The following SASH1 variants were observed in gnomAD, a reference collection of about 807,000 sequenced individuals.
SASH1 encodes SAM and SH3 domain-containing protein 1.
In SASH1, 44 loss-of-function variants were observed where a neutral mutation model predicts 125.2. That is an observed-to-expected ratio of 0.35 (90% CI 0.28 to 0.45). SASH1 has a LOEUF of 0.45. Among genes scored for constraint, SASH1 ranks in the 20% least tolerant of loss-of-function variants. The pLI is 1.00. For missense variants in SASH1, 1,426 were observed against 1,614.5 expected (o/e 0.88, Z 2.00); for synonymous variants, 639 against 649.1 (o/e 0.98, Z 0.24).
chr6:148,440,062 C>T (rs1776478203), intron 2 of SASH1, 122 bp from the exon 3 acceptor site: 1 of 791,244 alleles, frequency 1.3e-6, no homozygotes, highest in Admixed American at 2.2e-5. Context: ...TCTCTGCCAT[C>T]TCCTCCCACT....
At chr6:148,357,521 A>G (rs769110387) in intron 1 of SASH1, among the ~76,000 whole-genome samples, 10 of 152,146 alleles carry the variant, frequency 6.6e-5, no homozygotes, top group Non-Finnish European at 1.5e-4. Flanking sequence ...GTTTCCACCC[A>G]GGCTCCCTGG....
intron 2 of SASH1, among the ~76,000 whole-genome samples, chr6:148,435,972 A>G (rs1375663522): frequency 6.6e-6 from 1 of 152,218 alleles, no homozygotes. Flanking sequence ...AAGCCACGAG[A>G]TAATCCTTCC....
rs1186673454 is a variant in SASH1, at chr6:148,487,092, TACACACACAC to T, written c.628-510_628-501del. On this transcript the variant is annotated intron_variant, in intron 7 of 19. Coordinates refer to ENST00000367467, the MANE Select transcript of SASH1 (RefSeq NM_015278.5). ...AATATATATATATAACACATATATA[TACACACACAC>T]ACACACACACATATATATATATATA... 2.5e-5 allele frequency among the ~76,000 whole-genome samples: 3 copies of T among 118,708 alleles called. No individual in the cohort carries two copies. The Admixed American group carries it at 2.6e-4, about 10-fold the overall frequency. 77.9% of individuals were successfully genotyped at this position (118,708 alleles called of 152,430 possible). A position where few individuals can be genotyped will look rare whatever the true frequency, so the allele number is the denominator to read the frequency against.
At chr6:148,333,585 G>C (rs1057369287) in intron 1 of SASH1, among the ~76,000 whole-genome samples, 14 of 151,248 alleles carry the variant, frequency 9.3e-5, no homozygotes, top group African/African-American at 3.4e-4. Context: ...TTGTTGAGAT[G>C]GAGTCTTACT....
intron 1 of SASH1, among the ~76,000 whole-genome samples, chr6:148,358,248 G>A (rs1374475329): frequency 6.6e-6 from 1 of 152,202 alleles, no homozygotes; most frequent in African/African-American, 2.4e-5. Flanking sequence ...AGATAATCCA[G>A]GGCGAGAGTT....
At chr6:148,454,928 A>G (rs919856136) in intron 4 of SASH1, among the ~76,000 whole-genome samples, 2 of 152,224 alleles carry the variant, frequency 1.3e-5, no homozygotes, top group Non-Finnish European at 2.9e-5. Context: ...CCTCTCATCT[A>G]AAAGCTTTGC....
At chr6:148,439,100 A>G (rs1184440847) in intron 2 of SASH1, among the ~76,000 whole-genome samples, 1 of 152,216 alleles carries the variant, frequency 6.6e-6, no homozygotes, top group East Asian at 1.9e-4. Flanking sequence ...CATAATTTAC[A>G]TAATTTATTT....
At position 148,529,761 on chromosome 6, in the gene SASH1, C is replaced by G. The variant is rs1227278983; in HGVS notation, c.1429-1765C>G. 1.3e-5 allele frequency among the ~76,000 whole-genome samples: 2 copies of G among 151,466 alleles called. No homozygotes were observed. Among genetic ancestry groups the G allele is most frequent in the Admixed American group, 1.3e-4 (2 of 15,202 alleles). On this transcript the variant is annotated intron_variant, in intron 12 of 19. Transcript: ENST00000367467. The surrounding 1 kb of genome is among the most constrained non-coding windows in gnomAD (Gnocchi z 4.2). ...GAAACAACTGATCATTATAAATTTT[C>G]TGTAAAGCAAAAATAATGGAAGGTT...
In SASH1 at chr6:148,495,113, C is replaced by G. The variant is rs1270707338; in HGVS notation, c.729+7398C>G. On this transcript the variant is annotated intron_variant, in intron 8 of 19. Coordinates refer to ENST00000367467, the MANE Select transcript of SASH1 (RefSeq NM_015278.5). The surrounding 1 kb of genome is among the most constrained non-coding windows in gnomAD (Gnocchi z 4.0). ...ACAGCCCTAGTCGAAATAGAACATT[C>G]TGAAAGATAATTTGCTAATAACAAT... is the stretch of plus-strand genomic sequence containing the variant. Among the ~76,000 whole-genome samples the G allele has an allele frequency of 2.0e-5, 3 of 152,338 alleles. No individual in the cohort carries two copies. The East Asian group carries it at 5.8e-4, about 29-fold the overall frequency.
chr6:148,374,707 G>GC (rs11393038), intron 1 of SASH1, among the ~76,000 whole-genome samples: 3 of 150,854 alleles, frequency 2.0e-5, no homozygotes, highest in East Asian at 3.9e-4. Context: ...TTTTTTTTGG[G>GC]GGGGGGGGAG....
intron 2 of SASH1, among the ~76,000 whole-genome samples, chr6:148,394,121 G>A (rs1783848704): frequency 6.6e-6 from 1 of 152,016 alleles, no homozygotes; most frequent in Non-Finnish European, 1.5e-5. Flanking sequence ...TCGAACTCCC[G>A]ACCTCAGATG....
chr6:148,446,160 G>C (rs1205628892), intron 4 of SASH1, among the ~76,000 whole-genome samples: 7 of 134,170 alleles, frequency 5.2e-5, no homozygotes, highest in Non-Finnish European at 7.7e-5. Flanking sequence ...CCAGGCTGGA[G>C]TGCAGTGGCG....
intron 16 of SASH1, among the ~76,000 whole-genome samples, chr6:148,538,510 CA>C (rs1782011558): frequency 6.6e-6 from 1 of 152,202 alleles, no homozygotes. Context: ...TTTAGGTGGT[CA>C]GGGGGACAGT....
At chr6:148,260,796 C>CTTTTTTTTTTTT in the SASH1 span, among the ~76,000 whole-genome samples, 3 of 104,072 alleles carry the variant, frequency 2.9e-5, no homozygotes, top group African/African-American at 4.2e-5. Flanking sequence ...CCTATAAGGG[C>CTTTTTTTTTTTT]TTTTTTTTTT....
the SASH1 span, among the ~76,000 whole-genome samples, chr6:148,244,273 C>A: frequency 1.3e-5 from 2 of 152,170 alleles, no homozygotes; most frequent in African/African-American, 4.8e-5. Flanking sequence ...GACCTTACCA[C>A]CTACTAGGTT....
At chr6:148,199,447 G>A in the SASH1 span, among the ~76,000 whole-genome samples, 1 of 151,680 alleles carries the variant, frequency 6.6e-6, no homozygotes, top group East Asian at 1.9e-4. Context: ...GACTGTAGTT[G>A]TTTCTCAAAT....
At chr6:148,231,097 T>TTCCC in the SASH1 span, among the ~76,000 whole-genome samples, 1 of 152,260 alleles carries the variant, frequency 6.6e-6, no homozygotes, top group Non-Finnish European at 1.5e-5. Flanking sequence ...TTCTAGGAGC[T>TTCCC]TTATGGCTTT....
intron 5 of SASH1, 102 bp downstream of exon 5, chr6:148,468,687 G>A (rs1178420082): frequency 4.2e-6 from 3 of 722,608 alleles, no homozygotes; most frequent in Non-Finnish European, 6.8e-6. Flanking sequence ...CTTCTACTCA[G>A]AAATAAACAC....
intron 1 of SASH1, among the ~76,000 whole-genome samples, chr6:148,331,295 T>C (rs928311898): frequency 6.6e-6 from 1 of 152,188 alleles, no homozygotes; most frequent in African/African-American, 2.4e-5. Context: ...TGTGATATTA[T>C]TGATGGAATA....
Sources: gnomAD v4.1 joint callset for allele counts (sites outside exome capture counted in the v4.1 genomes callset) on GRCh38, gnomAD v4.1.1 for gene constraint, Gnocchi (gnomAD v3.1) non-coding constraint, MANE v1.5 for transcripts, NCBI Gene and HGNC (gene_info 2026-07-23, HGNC 2026-07-21) for gene names.